The following TAF2 variants were observed in gnomAD, a reference collection of about 807,000 sequenced individuals.
TAF2 encodes the protein transcription initiation factor TFIID subunit 2.
TAF2 carries 61 observed loss-of-function variants against 138.5 expected under a neutral mutation model. The observed-to-expected ratio is 0.44, with a 90% CI of 0.36 to 0.54. The LOEUF is 0.54. Among genes scored for constraint, TAF2 ranks in the 20% least tolerant of loss-of-function variants. The probability of loss-of-function intolerance (pLI) is 0.00; values close to 1 mark genes in which losing one functional copy is unlikely to be tolerated. For missense variants in TAF2, 1,090 were observed against 1,427.9 expected (o/e 0.76, Z 3.81); for synonymous variants, 475 against 469.9 (o/e 1.01, Z -0.14).
At chr8:119,813,454 C>T (rs1563917233) in intron 3 of TAF2, among the ~76,000 whole-genome samples, 1 of 152,152 alleles carries the variant, frequency 6.6e-6, no homozygotes, top group Non-Finnish European at 1.5e-5. Context: ...AAATGAGTTT[C>T]AAGCTACTAG....
At chr8:119,804,376 A>C (rs1389101926) in intron 4 of TAF2, among the ~76,000 whole-genome samples, 1 of 152,098 alleles carries the variant, frequency 6.6e-6, no homozygotes, top group African/African-American at 2.4e-5. Flanking sequence ...CCCCAAACTT[A>C]CTGATATAGT....
chr8:119,763,240 T>C (rs1429864558), intron 18 of TAF2, among the ~76,000 whole-genome samples: 2 of 152,120 alleles, frequency 1.3e-5, no homozygotes, highest in Non-Finnish European at 2.9e-5. Flanking sequence ...GCAAGGCACA[T>C]ACAAACAAAC....
intron 25 of TAF2, among the ~76,000 whole-genome samples, chr8:119,732,549 A>C (rs561576861): frequency 1.3e-5 from 2 of 152,270 alleles, no homozygotes; most frequent in Admixed American, 1.3e-4. Flanking sequence ...CACTCCTGTA[A>C]TCCCAGCACT....
intron 10 of TAF2, among the ~76,000 whole-genome samples, chr8:119,793,147 A>G (rs992561172): frequency 1.3e-5 from 2 of 152,164 alleles, no homozygotes; most frequent in African/African-American, 4.8e-5. Context: ...AACTTCAGAT[A>G]CTTTATAATC....
chr8:119,821,289 C>T (rs1825790926), intron 2 of TAF2, among the ~76,000 whole-genome samples: 1 of 152,186 alleles, frequency 6.6e-6, no homozygotes, highest in Non-Finnish European at 1.5e-5. Flanking sequence ...GGTCATCTAG[C>T]TTCTCACTCC....
At chr8:119,742,463 G>T in intron 25 of TAF2, 71 bp downstream of exon 25, 1 of 1,567,688 alleles carries the variant, frequency 6.4e-7, no homozygotes. Flanking sequence ...TAAAGTTGAT[G>T]AAGTAACTCT....
intron 4 of TAF2, among the ~76,000 whole-genome samples, 167 bp downstream of exon 4, chr8:119,806,116 G>A (rs1303164432): frequency 1.3e-5 from 2 of 152,016 alleles, no homozygotes; most frequent in African/African-American, 2.4e-5. Flanking sequence ...TGGCCAGGCT[G>A]GTCTTGAACT....
Position 119,783,008 on chromosome 8 carries a change from G to GACAC in TAF2, c.2112+369_2112+372dup, listed in dbSNP as rs35199230. The stretch of plus-strand genomic sequence containing the variant: ...AAAAAACAAAATACACACACCCACA[G>GACAC]ACACACACACACACACACACAGAGA... On this transcript the variant is annotated intron_variant, in intron 16 of 25. Transcript: ENST00000378164. Among the ~76,000 whole-genome samples, 523 of 150,426 alleles carry GACAC rather than the reference G, an allele frequency of 3.5e-3. 3 individuals are homozygous for GACAC. The highest frequency in any genetic ancestry group is 0.012 in the African/African-American group (484 of 40,974).
At chr8:119,778,222 G>C (rs1822393843) in intron 17 of TAF2, 93 bp from the exon 18 acceptor site, 2 of 754,506 alleles carry the variant, frequency 2.7e-6, no homozygotes, top group African/African-American at 1.8e-5. Flanking sequence ...GGTTACTCTT[G>C]GGCTGACATA....
chr8:119,744,547 G>A, intron 23 of TAF2, 154 bp from the exon 24 acceptor site: 1 of 690,618 alleles, frequency 1.4e-6, no homozygotes, highest in East Asian at 2.7e-5. Flanking sequence ...AAGATATTAA[G>A]AGAAAGAAAA....
chr8:119,819,289 T>C, intron 3 of TAF2, 57 bp downstream of exon 3: 1 of 1,569,828 alleles, frequency 6.4e-7, no homozygotes, highest in Non-Finnish European at 8.7e-7. Flanking sequence ...AATCCAATCA[T>C]TAAAAACATT....
At chr8:119,787,203 G>C (rs1823076339) in intron 14 of TAF2, among the ~76,000 whole-genome samples, 1 of 152,044 alleles carries the variant, frequency 6.6e-6, no homozygotes, top group Non-Finnish European at 1.5e-5. Flanking sequence ...AAAGTTACAA[G>C]AGAAAAACCA....
At chr8:119,738,774 T>C (rs997633183) in intron 25 of TAF2, among the ~76,000 whole-genome samples, 2 of 152,146 alleles carry the variant, frequency 1.3e-5, no homozygotes, top group African/African-American at 4.8e-5. Context: ...TAAGAAACTG[T>C]GAATAACCTG....
At position 119,801,870 on chromosome 8, in the gene TAF2, G is replaced by T. The variant is rs1440124966; in HGVS notation, c.716C>A (p.Thr239Asn). 1 of 1,614,158 alleles carries T rather than the reference G, an allele frequency of 6.2e-7. No individual in the cohort carries two copies. Among genetic ancestry groups the T allele is most frequent in the South Asian group, 1.1e-5 (1 of 91,084 alleles). ...GATATTTGACGCTGCTGTAGGAATGGTAAGCATATAATGGAAAGTTTTCTT... is the reference window on the plus strand; with the variant it reads ...GATATTTGACGCTGCTGTAGGAATGTTAAGCATATAATGGAAAGTTTTCTT... ...MRKKTFHYML[T>N]IPTAASNISL... The change falls in exon 6 of 26, where the codon ACC becomes AAC. Residue 239 changes from threonine to asparagine, a missense_variant. By Grantham distance (65) the Thr-to-Asn change is moderately conservative. This residue lies in a region of TAF2 where 504 missense variants were observed against 680.9 expected (regional missense o/e 0.74). Coordinates refer to ENST00000378164, the MANE Select transcript of TAF2 (RefSeq NM_003184.4).
chr8:119,742,124 C>G (rs1422997159), intron 25 of TAF2, among the ~76,000 whole-genome samples: 1 of 151,948 alleles, frequency 6.6e-6, no homozygotes. Context: ...TTATTTTATG[C>G]GTTTATATCT....
chr8:119,798,596 G>A (rs1305862047), intron 6 of TAF2, among the ~76,000 whole-genome samples: 1 of 152,140 alleles, frequency 6.6e-6, no homozygotes, highest in Admixed American at 6.6e-5. Context: ...AAAAGAGAAC[G>A]TCCCAGGGTC....
chr8:119,824,342 T>C (rs772953783), intron 2 of TAF2, among the ~76,000 whole-genome samples: 13 of 151,274 alleles, frequency 8.6e-5, no homozygotes, highest in South Asian at 8.3e-4. Context: ...AGATAGAGAA[T>C]TGCTTGAACC....
rs1824632314 is a variant in TAF2 at position 119,806,220 on chromosome 8, AT to A, written c.418+62del. On this transcript the variant is annotated intron_variant, in intron 4 of 25. Transcript: ENST00000378164. ...CCTGCATCATTAGTTCTCATGTAAA[AT>A]TCTCTAGTGTCTGAATCTAACGTGA... 3 of 1,380,146 alleles carry A rather than the reference AT, an allele frequency of 2.2e-6. No individual in the cohort carries two copies. In the East Asian group the frequency reaches 7.0e-5, roughly 32 times the overall value. The allele number at this position is 1,380,146 out of a possible 1,614,324, so 85.5% of individuals were successfully genotyped here.
intron 12 of TAF2, 28 bp from the exon 13 acceptor site, chr8:119,788,932 T>C (rs1205028506): frequency 7.1e-7 from 1 of 1,408,314 alleles, no homozygotes. Flanking sequence ...AAAGTTTACA[T>C]ACTGAAACGA....
Sources: allele counts gnomAD v4.1 joint callset (sites outside exome capture counted in the v4.1 genomes callset), GRCh38; gene constraint gnomAD v4.1.1; regional missense constraint gnomAD v4.1.1; transcripts MANE v1.5; gene names NCBI Gene and HGNC (gene_info 2026-07-23, HGNC 2026-07-21).